SIX6: variants seen among roughly 807,000 people sequenced by gnomAD.
SIX6 encodes SIX homeobox 6.
SIX6 carries 14 observed loss-of-function variants against 23.6 expected under a neutral mutation model. The observed-to-expected ratio is 0.59, with a 90% CI of 0.39 to 0.93. The LOEUF (loss-of-function observed/expected upper bound fraction) is 0.93. Among genes scored for constraint, SIX6 ranks in the 40% least tolerant of loss-of-function variants. The probability of loss-of-function intolerance (pLI) is 0.00; values close to 1 mark genes in which losing one functional copy is unlikely to be tolerated. For missense variants in SIX6, 307 were observed against 325.6 expected, an observed-to-expected ratio of 0.94 and a Z score of 0.44; for synonymous variants, 128 against 144.9, an observed-to-expected ratio of 0.88 and a Z score of 0.84.
intron 1 of SIX6, 47 bp from the exon 2 acceptor site, chr14:60,511,037 G>A: frequency 6.3e-7 from 1 of 1,593,898 alleles, no homozygotes. Flanking sequence ...CGGGCGACGG[G>A]CGGCTGTGTT....
rs773325780 is a variant in SIX6, at chr14:60,511,114, C to T, written c.603C>T (p.Ser201=). ...AGCAGCAGGTCCTGTCACAGGGTTC[C>T]GGGCGGGCACTACGGGCGGAGGGCG... is the stretch of plus-strand genomic sequence containing the variant. ...RLQQQVLSQG[S]GRALRAEGDG... The change falls in exon 2 of 2, where the codon TCC becomes TCT. Residue 201 remains serine (S), a synonymous_variant. Coordinates refer to ENST00000327720, the MANE Select transcript of SIX6 (RefSeq NM_007374.3). 3.7e-6 allele frequency: 6 copies of T among 1,612,836 alleles called. No individual in the cohort carries two copies. Among genetic ancestry groups the T allele is most frequent in the Middle Eastern group, 1.7e-4 (1 of 6,058 alleles).
At chr14:60,510,996 C>T (rs1893282524) in intron 1 of SIX6, 88 bp from the exon 2 acceptor site, 6 of 1,378,340 alleles carry the variant, frequency 4.4e-6, no homozygotes, top group Non-Finnish European at 5.0e-6. Flanking sequence ...CTCTAGCCGC[C>T]GGGCTGGAGG....
At chr14:60,510,027 C>A in intron 1 of SIX6, 57 bp downstream of exon 1, 1 of 1,461,596 alleles carries the variant, frequency 6.8e-7, no homozygotes, top group Non-Finnish European at 9.4e-7. Flanking sequence ...CGGGTGGAGG[C>A]ACCTCTGGCG....
At chr14:60,509,998 G>C (rs762317415) in intron 1 of SIX6, 28 bp downstream of exon 1, 3 of 1,568,790 alleles carry the variant, frequency 1.9e-6, no homozygotes, top group Non-Finnish European at 1.7e-6. Context: ...TCCGCGCTTT[G>C]AGCGCACCGG....
At position 60,512,736 on chromosome 14, in the gene SIX6, C is replaced by A. The variant is rs1287346097; in HGVS notation, c.*1484C>A. 2.6e-5 allele frequency: 4 copies of A among 152,200 alleles called. No homozygotes were observed. The highest frequency in any genetic ancestry group is 5.9e-5 in the Non-Finnish European group (4 of 68,040). 9.4% of individuals were successfully genotyped at this position (152,200 alleles called of 1,614,324 possible). A position where few individuals can be genotyped will look rare whatever the true frequency, so the allele number is the denominator to read the frequency against. ...ATACATGAACAAATGCATGCATATA[C>A]AACGCAAAAACATCTACCATCTTTG... On this transcript the variant is annotated 3_prime_UTR_variant, in exon 2 of 2. Coordinates refer to ENST00000327720, the MANE Select transcript of SIX6 (RefSeq NM_007374.3).
In SIX6 at chr14:60,509,325, C is replaced by A; in HGVS notation, c.-74C>A. On this transcript the variant is annotated 5_prime_UTR_variant, in exon 1 of 2. Coordinates refer to ENST00000327720, the MANE Select transcript of SIX6 (RefSeq NM_007374.3). ...CTCATCAACAAGCGCCTGGCACACTCAGCCAGGCCCGCGGGCATCTGCTGC... is the reference window on the plus strand; with the variant it reads ...CTCATCAACAAGCGCCTGGCACACTAAGCCAGGCCCGCGGGCATCTGCTGC... The A allele has an allele frequency of 7.6e-7, 1 of 1,312,440 alleles. No homozygotes were observed. The highest frequency in any genetic ancestry group is 1.1e-6 in the Non-Finnish European group (1 of 920,200). The allele number at this position is 1,312,440 out of a possible 1,614,324, so 81.3% of individuals were successfully genotyped here.
chr14:60,509,663 G>A lies in SIX6; in HGVS notation c.265G>A (p.Ala89Thr), dbSNP rs1459844362. The A allele has an allele frequency of 3.1e-6, 5 of 1,613,904 alleles. No homozygotes were observed. The African/African-American group carries it at 5.3e-5, about 17-fold the overall frequency. ...CAAGGAGTCGCACGCCAAGCTGCAG[G>A]CGCTGTGGCTTGAAGCACACTACCA... Reference protein sequence around the residue: ...FTKESHAKLQALWLEAHYQEA... With the variant: ...FTKESHAKLQTLWLEAHYQEA... The change falls in exon 1 of 2, where the codon GCG becomes ACG. Residue 89 changes from alanine to threonine, a missense_variant. By Grantham distance (58) the Ala-to-Thr change is moderately conservative. Coordinates refer to ENST00000327720, the MANE Select transcript of SIX6 (RefSeq NM_007374.3).
Position 60,509,455 on chromosome 14 carries a change from G to T in SIX6, c.57G>T (p.Glu19Asp). The T allele has an allele frequency of 6.2e-7, 1 of 1,600,122 alleles. No individual in the cohort carries two copies. The highest frequency in any genetic ancestry group is 8.5e-7 in the Non-Finnish European group (1 of 1,179,958). Residue 19 changes from glutamate (E) to aspartate (D), a missense_variant, in exon 1 of 2, where the codon GAG becomes GAT. Physicochemically the swap from Glu to Asp is conservative, Grantham distance 45. Coordinates refer to ENST00000327720, the MANE Select transcript of SIX6 (RefSeq NM_007374.3). Reference protein sequence around the residue: ...FSPQQVAGVCETLEESGDVER... With the variant: ...FSPQQVAGVCDTLEESGDVER... ...CCCAGCAAGTGGCCGGGGTATGTGA[G>T]ACCCTGGAAGAGAGCGGCGATGTGG...
At position 60,509,350 on chromosome 14, in the gene SIX6, C is replaced by T. The variant is rs747432869; in HGVS notation, c.-49C>T. The T allele has an allele frequency of 1.3e-6, 2 of 1,513,432 alleles. No individual in the cohort carries two copies. Among genetic ancestry groups the T allele is most frequent in the Non-Finnish European group, 9.1e-7 (1 of 1,102,412 alleles). 93.8% of individuals were successfully genotyped at this position (1,513,432 alleles called of 1,614,324 possible). ...CAGCCAGGCCCGCGGGCATCTGCTGCGTGTCCCGCTCCGGGCTCAGTGCCC... is the reference window on the plus strand; with the variant it reads ...CAGCCAGGCCCGCGGGCATCTGCTGTGTGTCCCGCTCCGGGCTCAGTGCCC... On this transcript the variant is annotated 5_prime_UTR_variant, in exon 1 of 2. Coordinates refer to ENST00000327720, the MANE Select transcript of SIX6 (RefSeq NM_007374.3).
intron 1 of SIX6, 143 bp from the exon 2 acceptor site, chr14:60,510,941 T>C: frequency 1.2e-6 from 1 of 845,716 alleles, no homozygotes; most frequent in Non-Finnish European, 1.8e-6. Context: ...CTCTGTCGCC[T>C]TGCCGAGTAA....
chr14:60,509,195 G>A lies in SIX6; in HGVS notation c.-204G>A. On this transcript the variant is annotated 5_prime_UTR_variant, in exon 1 of 2. Transcript: ENST00000327720. ...GGCGTGCCTGAGCCGAGCCGAGCCC[G>A]AACCCCAAGCCGCGGAGCCAGCACC... The A allele has an allele frequency of 1.7e-6, 1 of 596,198 alleles. No individual in the cohort carries two copies. Among genetic ancestry groups the A allele is most frequent in the Non-Finnish European group, 3.0e-6 (1 of 335,452 alleles). The allele number at this position is 596,198 out of a possible 1,614,324, so 36.9% of individuals were successfully genotyped here.
rs1893294491 is a variant in SIX6, at chr14:60,511,530, CCTT to C, written c.*280_*282del. 2 of 565,130 alleles carry C rather than the reference CCTT, an allele frequency of 3.5e-6. No individual in the cohort carries two copies. The highest frequency in any genetic ancestry group is 6.3e-6 in the Non-Finnish European group (2 of 315,634). The allele number at this position is 565,130 out of a possible 1,614,324, so 35.0% of individuals were successfully genotyped here. On this transcript the variant is annotated 3_prime_UTR_variant, in exon 2 of 2. Coordinates refer to ENST00000327720, the MANE Select transcript of SIX6 (RefSeq NM_007374.3). ...TCCTAAGGATTTTGCTGCAAAGTCT[CCTT>C]CGGAACCCGAACTGCAAGCTGAGCG...
rs114981075 is a variant in SIX6 at position 60,511,248 on chromosome 14, T to A, written c.737T>A (p.Ile246Asn). 2.5e-4 allele frequency: 401 copies of A among 1,613,420 alleles called. 1 individual carries two copies. In the African/African-American group the frequency reaches 4.8e-3, roughly 19 times the overall value. Residue 246 changes from isoleucine to asparagine, a missense_variant, in exon 2 of 2, where the codon ATC (isoleucine) becomes AAC (asparagine). Physicochemically the swap from Ile to Asn is moderately radical, Grantham distance 149. Coordinates refer to ENST00000327720, the MANE Select transcript of SIX6 (RefSeq NM_007374.3). Reference protein sequence around the residue: ...SITSSDSECDI With the variant: ...SITSSDSECDN ...ACGTCCAGCGACAGCGAGTGCGACA[T>A]CTGAGTTGCCCATCCAGGATGCTCA...
chr14:60,509,467 G>C lies in SIX6; in HGVS notation c.69G>C (p.Glu23Asp), dbSNP rs760159037. The change falls in exon 1 of 2, where the codon GAG (glutamate) becomes GAC (aspartate). Residue 23 changes from glutamate to aspartate, a missense_variant. Glu to Asp is a conservative substitution (Grantham distance 45). Coordinates refer to ENST00000327720, the MANE Select transcript of SIX6 (RefSeq NM_007374.3). ...CCGGGGTATGTGAGACCCTGGAAGA[G>C]AGCGGCGATGTGGAGCGCCTGGGTC... ...QVAGVCETLE[E>D]SGDVERLGRF... 1.4e-5 allele frequency: 22 copies of C among 1,600,448 alleles called. No homozygotes were observed. The East Asian group carries it at 2.0e-4, about 15-fold the overall frequency.
At position 60,512,334 on chromosome 14, in the gene SIX6, A is replaced by G. The variant is rs1261484292; in HGVS notation, c.*1082A>G. The G allele has an allele frequency of 6.6e-6, 1 of 152,210 alleles. No homozygotes were observed. The highest frequency in any genetic ancestry group is 1.5e-5 in the Non-Finnish European group (1 of 68,034). 9.4% of individuals were successfully genotyped at this position (152,210 alleles called of 1,614,324 possible). ...TCTCCTTCAAGGCCCCCTCCAATAC[A>G]AAAGCAGCAGGCACCCATGATCATG... On this transcript the variant is annotated 3_prime_UTR_variant, in exon 2 of 2. Coordinates refer to ENST00000327720, the MANE Select transcript of SIX6 (RefSeq NM_007374.3).
At position 60,512,645 on chromosome 14, in the gene SIX6, C is replaced by T. The variant is rs1174466961; in HGVS notation, c.*1393C>T. 6.6e-6 allele frequency: 1 copy of T among 152,166 alleles called. No homozygotes were observed. Among genetic ancestry groups the T allele is most frequent in the Non-Finnish European group, 1.5e-5 (1 of 68,028 alleles). 9.4% of individuals were successfully genotyped at this position (152,166 alleles called of 1,614,324 possible). A position where few individuals can be genotyped will look rare whatever the true frequency, so the allele number is the denominator to read the frequency against. ...AAGGGCCTCATTGTCCTGGTAATGG[C>T]CTCGATTAAAACATAAAATATTTTT... is the stretch of plus-strand genomic sequence containing the variant. On this transcript the variant is annotated 3_prime_UTR_variant, in exon 2 of 2. Coordinates refer to ENST00000327720, the MANE Select transcript of SIX6 (RefSeq NM_007374.3).
Position 60,511,244 on chromosome 14 carries a change from G to A in SIX6, c.733G>A (p.Asp245Asn), listed in dbSNP as rs1217105745. The A allele has an allele frequency of 6.2e-7, 1 of 1,613,412 alleles. No homozygotes were observed. Among genetic ancestry groups the A allele is most frequent in the South Asian group, 1.1e-5 (1 of 91,086 alleles). The part of the protein sequence containing the change: ...ISITSSDSEC[D>N]I ...CATCACGTCCAGCGACAGCGAGTGC[G>A]ACATCTGAGTTGCCCATCCAGGATG... The change falls in exon 2 of 2, where the codon GAC becomes AAC. Residue 245 changes from aspartate (D) to asparagine (N), a missense_variant. Physicochemically the swap from Asp to Asn is conservative, Grantham distance 23. Coordinates refer to ENST00000327720, the MANE Select transcript of SIX6 (RefSeq NM_007374.3).
chr14:60,509,162 C>A lies in SIX6; in HGVS notation c.-237C>A. 1 of 560,682 alleles carries A rather than the reference C, an allele frequency of 1.8e-6. No individual in the cohort carries two copies. The highest frequency in any genetic ancestry group is 3.2e-6 in the Non-Finnish European group (1 of 314,542). The allele number at this position is 560,682 out of a possible 1,614,324, so 34.7% of individuals were successfully genotyped here. A position where few individuals can be genotyped will look rare whatever the true frequency, so the allele number is the denominator to read the frequency against. On this transcript the variant is annotated 5_prime_UTR_variant, in exon 1 of 2. Transcript: ENST00000327720. ...GCCCACCCCAATAGCGGAGCCAGCT[C>A]GCCTGCCGGCGTGCCTGAGCCGAGC... is the stretch of plus-strand genomic sequence containing the variant.
intron 1 of SIX6, 22 bp from the exon 2 acceptor site, chr14:60,511,062 G>C (rs1190018372): frequency 6.2e-7 from 1 of 1,610,804 alleles, no homozygotes; most frequent in South Asian, 1.1e-5. Context: ...GCTGTGACCC[G>C]TGTTCCCTTT....
Sources: gnomAD v4.1 joint callset for allele counts on GRCh38, gnomAD v4.1.1 for gene constraint, MANE v1.5 for transcripts, NCBI Gene and HGNC (gene_info 2026-07-23, HGNC 2026-07-21) for gene names.